CDH12: variants seen among roughly 807,000 people sequenced by gnomAD.
CDH12 encodes cadherin-12.
CDH12 carries 41 observed loss-of-function variants against 74.1 expected under a neutral mutation model. The observed-to-expected ratio is 0.55, with a 90% CI of 0.43 to 0.72. The LOEUF (loss-of-function observed/expected upper bound fraction) is 0.72. Ranked by LOEUF, CDH12 falls within the 30% of genes least tolerant of loss-of-function variation. The pLI, the probability that CDH12 is intolerant of heterozygous loss-of-function variation, is 0.00. For missense variants in CDH12, 945 were observed against 977.2 expected, an observed-to-expected ratio of 0.97 and a Z score of 0.44; for synonymous variants, 399 against 355.0, an observed-to-expected ratio of 1.12 and a Z score of -1.39.
rs551842377 is a variant in CDH12 at position 22,770,976 on chromosome 5, T to C, written c.-523+82082A>G. 3.2e-3 allele frequency among the ~76,000 whole-genome samples: 488 copies of C among 152,220 alleles called. 3 individuals are homozygous for C. The highest frequency in any genetic ancestry group is 0.011 in the African/African-American group (460 of 41,578). On this transcript the variant is annotated intron_variant, in intron 1 of 14. Coordinates refer to ENST00000382254, the MANE Select transcript of CDH12 (RefSeq NM_004061.5). ...GCAAAATGCATACACTGTACCACGC[T>C]AAGTTATAATGTTTATCAAAAATTA...
At chr5:22,762,383 T>C (rs899021201) in intron 1 of CDH12, among the ~76,000 whole-genome samples, 2 of 152,142 alleles carry the variant, frequency 1.3e-5, no homozygotes, top group Admixed American at 6.5e-5. Flanking sequence ...GATTTAATTC[T>C]CAGTCATTCT....
intron 6 of CDH12, among the ~76,000 whole-genome samples, chr5:21,864,527 G>T (rs1751225522): frequency 6.6e-6 from 1 of 152,074 alleles, no homozygotes; most frequent in Admixed American, 6.6e-5. Flanking sequence ...ATCTTGGACT[G>T]CCTGTCCTCC....
intron 5 of CDH12, among the ~76,000 whole-genome samples, chr5:21,992,414 G>A (rs1268600375): frequency 6.6e-6 from 1 of 152,046 alleles, no homozygotes; most frequent in Non-Finnish European, 1.5e-5. Flanking sequence ...GATTATGAAA[G>A]CAGGTGCTTA....
intron 1 of CDH12, among the ~76,000 whole-genome samples, chr5:22,689,168 T>C (rs371790558): frequency 6.6e-6 from 1 of 152,286 alleles, no homozygotes; most frequent in East Asian, 1.9e-4. Flanking sequence ...GATATTTCAA[T>C]TACTTGGAAA....
At chr5:22,244,788 GAAAGAAAGAA>G (rs1752885676) in intron 3 of CDH12, among the ~76,000 whole-genome samples, 2 of 131,272 alleles carry the variant, frequency 1.5e-5, no homozygotes, top group Non-Finnish European at 3.4e-5. Context: ...AAGAAAGAAA[GAAAGAAAGAA>G]AGAAAAATTC....
chr5:21,787,449 G>C (rs1431418246), intron 10 of CDH12, among the ~76,000 whole-genome samples: 1 of 152,052 alleles, frequency 6.6e-6, no homozygotes, highest in Non-Finnish European at 1.5e-5. Context: ...TTTTAACTAA[G>C]GCATGTACTT....
At position 21,983,526 on chromosome 5, in the gene CDH12, G is replaced by A. The variant is rs10074563; in HGVS notation, c.232-8141C>T. Among the ~76,000 whole-genome samples, 3 of 151,992 alleles carry A rather than the reference G, an allele frequency of 2.0e-5. No individual in the cohort carries two copies. In the East Asian group the frequency reaches 5.8e-4, roughly 29 times the overall value. On this transcript the variant is annotated intron_variant, in intron 5 of 14. Transcript: ENST00000382254. Reference sequence around the variant, plus strand: ...TTTGTGTTTTGAACATTGCCTCCAGGTGCGAGTTTATGTGTGTTTATGTTT... The same window carrying A: ...TTTGTGTTTTGAACATTGCCTCCAGATGCGAGTTTATGTGTGTTTATGTTT...
intron 1 of CDH12, among the ~76,000 whole-genome samples, chr5:22,521,228 C>T (rs1022634424): frequency 4.6e-5 from 7 of 151,544 alleles, no homozygotes; most frequent in African/African-American, 9.7e-5. Flanking sequence ...AATCCTTAAT[C>T]GAAATTAATA....
chr5:21,890,987 C>T (rs775929651), intron 6 of CDH12, among the ~76,000 whole-genome samples: 2 of 152,036 alleles, frequency 1.3e-5, no homozygotes. Flanking sequence ...AACCCCATTA[C>T]GTCTTCATAG....
intron 1 of CDH12, among the ~76,000 whole-genome samples, chr5:22,516,736 A>T (rs1301119529): frequency 6.6e-6 from 1 of 152,160 alleles, no homozygotes; most frequent in Non-Finnish European, 1.5e-5. Context: ...TTGAGGCTGC[A>T]GTGAGCCATG....
chr5:22,299,428 C>A (rs957923398), intron 3 of CDH12, among the ~76,000 whole-genome samples: 1 of 152,084 alleles, frequency 6.6e-6, no homozygotes, highest in Admixed American at 6.6e-5. Flanking sequence ...TACTTGCAGA[C>A]ACATTTGTAA....
intron 4 of CDH12, among the ~76,000 whole-genome samples, chr5:22,158,700 A>C (rs1024781237): frequency 6.6e-6 from 1 of 152,114 alleles, no homozygotes. Context: ...ATTATGACAG[A>C]ATACACTTTT....
intron 1 of CDH12, among the ~76,000 whole-genome samples, chr5:22,566,657 T>C (rs1739300257): frequency 6.6e-6 from 1 of 152,202 alleles, no homozygotes; most frequent in Non-Finnish European, 1.5e-5. Flanking sequence ...CCTTGGTTTA[T>C]TGAGAAACAA....
rs138657126 is a variant in CDH12 at position 21,800,776 on chromosome 5, C to T, written c.1256+1391G>A. Among the ~76,000 whole-genome samples the T allele has an allele frequency of 3.9e-4, 60 of 152,220 alleles. No homozygotes were observed. In the East Asian group the frequency reaches 0.011, roughly 28 times the overall value. ...GGCTCATGGGAGTGGGGGTGGTTCC[C>T]CCATGCTTTGCTCATGATAGTGAGT... On this transcript the variant is annotated intron_variant, in intron 10 of 14. Coordinates refer to ENST00000382254, the MANE Select transcript of CDH12 (RefSeq NM_004061.5).
At chr5:22,224,087 C>T (rs908861672) in intron 3 of CDH12, among the ~76,000 whole-genome samples, 1 of 151,900 alleles carries the variant, frequency 6.6e-6, no homozygotes, top group African/African-American at 2.4e-5. Context: ...GTAGAGTAAC[C>T]TTAATTATCT....
At position 22,698,122 on chromosome 5, in the gene CDH12, C is replaced by CTTTTTTTTTTT. The variant is rs10677695; in HGVS notation, c.-523+154925_-523+154935dup. ...CCTTAATGCCCGCATAAAGGCAGGG[C>CTTTTTTTTTTT]TTTTTTTTTTTTTTTTGAGATGGAG... is the stretch of plus-strand genomic sequence containing the variant. On this transcript the variant is annotated intron_variant, in intron 1 of 14. Transcript: ENST00000382254. Among the ~76,000 whole-genome samples the CTTTTTTTTTTT allele has an allele frequency of 5.4e-4, 49 of 91,176 alleles. 7 individuals carry two copies. The highest frequency in any genetic ancestry group is 1.0e-3 in the Admixed American group (6 of 5,942). 59.8% of individuals were successfully genotyped at this position (91,176 alleles called of 152,430 possible). A position where few individuals can be genotyped will look rare whatever the true frequency, so the allele number is the denominator to read the frequency against.
intron 1 of CDH12, among the ~76,000 whole-genome samples, chr5:22,519,335 T>C (rs759075374): frequency 1.8e-4 from 27 of 152,222 alleles, no homozygotes; most frequent in Non-Finnish European, 3.5e-4. Flanking sequence ...AGTGTGAACA[T>C]TGAAGATATA....
At chr5:22,572,333 T>C (rs1249419775) in intron 1 of CDH12, among the ~76,000 whole-genome samples, 1 of 152,214 alleles carries the variant, frequency 6.6e-6, no homozygotes, top group Non-Finnish European at 1.5e-5. Flanking sequence ...TCAATATTTT[T>C]CATCTTTGAA....
At chr5:22,676,686 A>T (rs1216494555) in intron 1 of CDH12, among the ~76,000 whole-genome samples, 1 of 152,172 alleles carries the variant, frequency 6.6e-6, no homozygotes, top group Non-Finnish European at 1.5e-5. Flanking sequence ...CTTGCTCCAG[A>T]CCCTAGGTGG....
Sources: gnomAD v4.1 joint callset for allele counts (sites outside exome capture counted in the v4.1 genomes callset) on GRCh38, gnomAD v4.1.1 for gene constraint, MANE v1.5 for transcripts, NCBI Gene and HGNC (gene_info 2026-07-23, HGNC 2026-07-21) for gene names.